The following ITPR3 variants were observed in gnomAD, a reference collection of about 807,000 sequenced individuals.
ITPR3 encodes the protein inositol 1,4,5-trisphosphate receptor type 3, also known as inositol 1,4,5-trisphosphate-gated calcium channel ITPR3.
ITPR3 carries 173 observed loss-of-function variants against 293.2 expected under a neutral mutation model. That is an observed-to-expected ratio of 0.59 (90% confidence interval 0.52 to 0.67). The LOEUF is 0.67. Ranked by LOEUF, ITPR3 falls within the 30% of genes least tolerant of loss-of-function variation. The pLI, the probability that ITPR3 is intolerant of heterozygous loss-of-function variation, is 0.00. For synonymous variants in ITPR3, 1,295 were observed against 1,444.4 expected (o/e 0.90, Z 2.35); for missense variants, 2,796 against 3,592.1 (o/e 0.78, Z 5.66).
intron 33 of ITPR3, 67 bp downstream of exon 33, chr6:33,680,747 A>G: frequency 6.5e-7 from 1 of 1,535,148 alleles, no homozygotes; most frequent in Non-Finnish European, 8.9e-7. Context: ...AAGGGGGGAA[A>G]TAAGAATACA....
chr6:33,684,842 T>G lies in ITPR3; in HGVS notation c.5206T>G (p.Leu1736Val). 6.2e-7 allele frequency: 1 copy of G among 1,613,924 alleles called. No homozygotes were observed. Among genetic ancestry groups the G allele is most frequent in the Non-Finnish European group, 8.5e-7 (1 of 1,179,956 alleles). Residue 1736 changes from leucine to valine, a missense_variant, in exon 39 of 58, where the codon TTG becomes GTG. Around this residue, in one of 8 missense-constraint regions of ITPR3, gnomAD observed 704 missense variants for 797.5 expected, o/e 0.88. Coordinates refer to ENST00000605930, the MANE Select transcript of ITPR3 (RefSeq NM_002224.4). The surrounding 1 kb of genome is among the most constrained non-coding windows in gnomAD (Gnocchi z 4.2). ...GCTGGACAAGGAGGGGGCCACCAAGTTGGTATGCGACCTCATCACCAGCAC... is the reference window on the plus strand; with the variant it reads ...GCTGGACAAGGAGGGGGCCACCAAGGTGGTATGCGACCTCATCACCAGCAC... The part of the protein sequence containing the change: ...CRLDKEGATK[L>V]VCDLITSTKN...
chr6:33,667,756 G>T lies in ITPR3; in HGVS notation c.1714-36G>T, dbSNP rs550445181. Reference sequence around the variant, plus strand: ...AGAGCTGGGCCCTTGGCCCACCTGTGACTCTCTGTGACCCCCAGCCTGTCT... The same window carrying T: ...AGAGCTGGGCCCTTGGCCCACCTGTTACTCTCTGTGACCCCCAGCCTGTCT... On this transcript the variant is annotated intron_variant, in intron 15 of 57. Transcript: ENST00000605930. The surrounding 1 kb of genome is among the most constrained non-coding windows in gnomAD (Gnocchi z 4.4). 1.2e-6 allele frequency: 2 copies of T among 1,611,368 alleles called. No individual in the cohort carries two copies. Among genetic ancestry groups the T allele is most frequent in the South Asian group, 2.2e-5 (2 of 90,676 alleles).
chr6:33,683,170 G>A lies in ITPR3; in HGVS notation c.4598-37G>A, dbSNP rs1312761321. 17 of 1,444,680 alleles carry A rather than the reference G, an allele frequency of 1.2e-5. No homozygotes were observed. Among genetic ancestry groups the A allele is most frequent in the African/African-American group, 5.7e-5 (4 of 70,372 alleles). The allele number at this position is 1,444,680 out of a possible 1,614,324, so 89.5% of individuals were successfully genotyped here. On this transcript the variant is annotated intron_variant, in intron 34 of 57. Transcript: ENST00000605930. The surrounding 1 kb of genome is among the most constrained non-coding windows in gnomAD (Gnocchi z 4.5). ...GCCTCTGGCTGGCTGAACTGCCCCC[G>A]CACCAGCACTCCAGCACTCCCTCCC...
chr6:33,648,277 G>C (rs1477302957), intron 2 of ITPR3, among the ~76,000 whole-genome samples: 1 of 151,862 alleles, frequency 6.6e-6, no homozygotes, highest in East Asian at 1.9e-4. Context: ...TGTTGCCCAG[G>C]CTCGTCTCAA....
chr6:33,688,502 T>G, intron 48 of ITPR3, 71 bp downstream of exon 48: 2 of 1,497,384 alleles, frequency 1.3e-6, no homozygotes, highest in South Asian at 2.6e-5. Context: ...AACGGCCTCC[T>G]TTGCCTGCCT....
chr6:33,693,063 T>C (rs1765438009), intron 55 of ITPR3, among the ~76,000 whole-genome samples, 170 bp downstream of exon 55: 1 of 152,172 alleles, frequency 6.6e-6, no homozygotes, highest in African/African-American at 2.4e-5. Context: ...CTGCCTGAAC[T>C]TGGAGTCAGA....
At position 33,675,888 on chromosome 6, in the gene ITPR3, A is replaced by G. The variant is rs768839567; in HGVS notation, c.3282+32A>G. 9.1e-6 allele frequency: 14 copies of G among 1,536,598 alleles called. No individual in the cohort carries two copies. Among genetic ancestry groups the G allele is most frequent in the Non-Finnish European group, 1.2e-5 (14 of 1,138,918 alleles). ...GGACTACCTGGCCCTGGCCCTGAGCATGAGGCCTGCACCAGGCACGGGGGG... is the reference window on the plus strand; with the variant it reads ...GGACTACCTGGCCCTGGCCCTGAGCGTGAGGCCTGCACCAGGCACGGGGGG... On this transcript the variant is annotated intron_variant, in intron 25 of 57. Coordinates refer to ENST00000605930, the MANE Select transcript of ITPR3 (RefSeq NM_002224.4). The surrounding 1 kb of genome is among the most constrained non-coding windows in gnomAD (Gnocchi z 5.0).
intron 12 of ITPR3, 35 bp from the exon 13 acceptor site, chr6:33,665,018 G>T: frequency 2.5e-6 from 4 of 1,613,558 alleles, no homozygotes; most frequent in Non-Finnish European, 3.4e-6. Flanking sequence ...GCCGGAGCTT[G>T]TTCCCAGGTG....
intron 1 of ITPR3, among the ~76,000 whole-genome samples, chr6:33,625,003 G>A (rs1480997032): frequency 6.6e-6 from 1 of 152,248 alleles, no homozygotes; most frequent in African/African-American, 2.4e-5. Flanking sequence ...CTGCCAGCCG[G>A]CCAGCAAGGG....
Position 33,670,915 on chromosome 6 carries a change from C to T in ITPR3, c.2586+100C>T, listed in dbSNP as rs1253539019. On this transcript the variant is annotated intron_variant, in intron 20 of 57. Transcript: ENST00000605930. The surrounding 1 kb of genome is among the most constrained non-coding windows in gnomAD (Gnocchi z 6.7). ...CAGGAGTCGGCTGTGGGATCCATGA[C>T]CCCACTTCCTTCTGTGTCCCCAGCC... is the stretch of plus-strand genomic sequence containing the variant. 5 of 1,439,550 alleles carry T rather than the reference C, an allele frequency of 3.5e-6. No homozygotes were observed. The highest frequency in any genetic ancestry group is 4.7e-6 in the Non-Finnish European group (5 of 1,056,984). The allele number at this position is 1,439,550 out of a possible 1,614,324, so 89.2% of individuals were successfully genotyped here.
intron 3 of ITPR3, 90 bp from the exon 4 acceptor site, chr6:33,657,842 C>A: frequency 2.1e-6 from 2 of 971,092 alleles, no homozygotes; most frequent in Non-Finnish European, 3.2e-6. Flanking sequence ...TGTTTGTGTG[C>A]ATGTGTGCGT....
rs2127284533 is a variant in ITPR3 at position 33,671,265 on chromosome 6, A to G, written c.2687A>G (p.Gln896Arg). 2 of 1,613,638 alleles carry G rather than the reference A, an allele frequency of 1.2e-6. No homozygotes were observed. Among genetic ancestry groups the G allele is most frequent in the East Asian group, 4.5e-5 (2 of 44,882 alleles). Residue 896 changes from glutamine (Q) to arginine (R), a missense_variant, in exon 21 of 58, where the codon CAG (glutamine) becomes CGG (arginine). By Grantham distance (43) the Gln-to-Arg change is conservative (BLOSUM62 1). Transcript: ENST00000605930. ...RTLLGIIDCVQGPPAMLQAYE... is the reference protein window; with the variant it reads ...RTLLGIIDCVRGPPAMLQAYE... Reference sequence around the variant, plus strand: ...CTGCTGGGCATCATCGACTGTGTGCAGGGGCCCCCGGCCATGCTGCAGGCC... The same window carrying G: ...CTGCTGGGCATCATCGACTGTGTGCGGGGGCCCCCGGCCATGCTGCAGGCC...
At chr6:33,668,249 A>T (rs1192412900) in intron 16 of ITPR3, among the ~76,000 whole-genome samples, 2 of 152,190 alleles carry the variant, frequency 1.3e-5, no homozygotes, top group Non-Finnish European at 2.9e-5. Flanking sequence ...ACCAGTTGTT[A>T]AATATTTTGA....
In ITPR3 at chr6:33,621,377, G is replaced by T. The variant is rs1763430968; in HGVS notation, c.-226G>T. 3.8e-6 allele frequency: 1 copy of T among 261,726 alleles called. No homozygotes were observed. Among genetic ancestry groups the T allele is most frequent in the Non-Finnish European group, 7.1e-6 (1 of 139,876 alleles). The allele number at this position is 261,726 out of a possible 1,614,324, so 16.2% of individuals were successfully genotyped here. A position where few individuals can be genotyped will look rare whatever the true frequency, so the allele number is the denominator to read the frequency against. On this transcript the variant is annotated 5_prime_UTR_variant, in exon 1 of 58. Coordinates refer to ENST00000605930, the MANE Select transcript of ITPR3 (RefSeq NM_002224.4). The surrounding 1 kb of genome is among the most constrained non-coding windows in gnomAD (Gnocchi z 7.7). The stretch of plus-strand genomic sequence containing the variant: ...CGCGCGGGCCGGGCGGGGCGGGCGG[G>T]CGGCGGGCGCGCCAAGACGTGGGCA...
intron 2 of ITPR3, among the ~76,000 whole-genome samples, chr6:33,651,031 C>A (rs920006842): frequency 6.6e-6 from 1 of 151,698 alleles, no homozygotes; most frequent in African/African-American, 2.4e-5. Flanking sequence ...AATCCCAGCA[C>A]TTTGGGAGGC....
chr6:33,686,769 ATG>A (rs762886595), intron 43 of ITPR3, among the ~76,000 whole-genome samples: 2 of 152,116 alleles, frequency 1.3e-5, no homozygotes, highest in East Asian at 3.9e-4. Flanking sequence ...AGGACTTGCT[ATG>A]TGTGTGTCTG....
In ITPR3 at chr6:33,658,655, C is replaced by T. The variant is rs1375182044; in HGVS notation, c.370-15C>T. 6.2e-7 allele frequency: 1 copy of T among 1,613,324 alleles called. No individual in the cohort carries two copies. Among genetic ancestry groups the T allele is most frequent in the East Asian group, 2.2e-5 (1 of 44,856 alleles). Reference sequence around the variant, plus strand: ...TGTGGCGCGGTGACCTTCCCGCACCCCACCTGACCCCCAGCTCCTGCACAT... The same window carrying T: ...TGTGGCGCGGTGACCTTCCCGCACCTCACCTGACCCCCAGCTCCTGCACAT... On this transcript the variant is annotated splice_polypyrimidine_tract_variant and intron_variant, in intron 4 of 57. Coordinates refer to ENST00000605930, the MANE Select transcript of ITPR3 (RefSeq NM_002224.4). This position sits in a 1 kb window ranked among gnomAD's most constrained non-coding sequence, Gnocchi z 6.1.
At chr6:33,685,074 G>T in intron 39 of ITPR3, 131 bp downstream of exon 39, 2 of 1,086,302 alleles carry the variant, frequency 1.8e-6, no homozygotes, top group Non-Finnish European at 2.6e-6. Flanking sequence ...TGGCTGAGAG[G>T]TGAGAAGAGT....
chr6:33,636,015 G>A (rs1763813197), intron 1 of ITPR3, among the ~76,000 whole-genome samples: 1 of 151,292 alleles, frequency 6.6e-6, no homozygotes, highest in Admixed American at 6.6e-5. Flanking sequence ...GGCCGGGTTC[G>A]GTGGCTCACG....
Sources: allele counts gnomAD v4.1 joint callset (sites outside exome capture counted in the v4.1 genomes callset), GRCh38; gene constraint gnomAD v4.1.1; regional missense constraint gnomAD v4.1.1; non-coding constraint Gnocchi (gnomAD v3.1); transcripts MANE v1.5; gene names NCBI Gene and HGNC (gene_info 2026-07-23, HGNC 2026-07-21).